HEMGN: variants seen among roughly 807,000 people sequenced by gnomAD.
The protein encoded by HEMGN is hemogen.
A neutral mutation model predicts 45.7 loss-of-function variants in HEMGN; 32 were observed. The observed-to-expected ratio is 0.70, with a 90% CI of 0.53 to 0.94. HEMGN has a LOEUF of 0.94. HEMGN is among the 40% of genes least tolerant of loss of function. The pLI, the probability that HEMGN is intolerant of heterozygous loss-of-function variation, is 0.00. For synonymous variants in HEMGN, 183 were observed against 178.6 expected, an observed-to-expected ratio of 1.02 and a Z score of -0.20; for missense variants, 530 against 564.2, an observed-to-expected ratio of 0.94 and a Z score of 0.61.
intron 1 of HEMGN, among the ~76,000 whole-genome samples, chr9:97,943,417 A>G (rs1479398120): frequency 6.6e-6 from 1 of 152,228 alleles, no homozygotes; most frequent in African/African-American, 2.4e-5. Context: ...GGAGAAGGAC[A>G]GTTTCTTGTT....
chr9:97,936,792 C>T (rs1391753063), intron 1 of HEMGN, among the ~76,000 whole-genome samples: 7 of 152,160 alleles, frequency 4.6e-5, no homozygotes, highest in African/African-American at 1.7e-4. Context: ...CCCAATCATT[C>T]CTCTTGGATT....
chr9:97,938,886 A>T (rs956023549), upstream of HEMGN, among the ~76,000 whole-genome samples: 1 of 152,220 alleles, frequency 6.6e-6, no homozygotes, highest in African/African-American at 2.4e-5. Context: ...AACTAGTGAA[A>T]TCCATTGTTA....
In HEMGN at chr9:97,930,570, G is replaced by T; in HGVS notation, c.825C>A (p.Asp275Glu). 6.2e-7 allele frequency: 1 copy of T among 1,614,086 alleles called. No individual in the cohort carries two copies. The highest frequency in any genetic ancestry group is 8.5e-7 in the Non-Finnish European group (1 of 1,180,012). ...DVPKGYILDT[D>E]QNPAEPEEYN... ...ATTCCTCTGGTTCTGCTGGATTTTG[G>T]TCTGTGTCAAGAATATAGCCTTTAG... Residue 275 changes from aspartate (D) to glutamate (E), a missense_variant, in exon 3 of 4, where the codon GAC (aspartate) becomes GAA (glutamate). Transcript: ENST00000616898.
At chr9:97,934,482 G>C (rs1296515222) in intron 2 of HEMGN, among the ~76,000 whole-genome samples, 1 of 147,706 alleles carries the variant, frequency 6.8e-6, no homozygotes, top group Non-Finnish European at 1.5e-5. Context: ...GAATACCTGG[G>C]TTCTGGGCTC....
chr9:97,941,561 A>G (rs1402149803), upstream of HEMGN, among the ~76,000 whole-genome samples: 1 of 152,238 alleles, frequency 6.6e-6, no homozygotes, highest in African/African-American at 2.4e-5. Flanking sequence ...TGGTGAAGCC[A>G]TGGTCAGATT....
At chr9:97,932,641 T>C (rs1826976563) in intron 2 of HEMGN, among the ~76,000 whole-genome samples, 1 of 151,848 alleles carries the variant, frequency 6.6e-6, no homozygotes, top group Non-Finnish European at 1.5e-5. Flanking sequence ...CCGTCTCTAC[T>C]AAAAATACAA....
At chr9:97,928,154 G>C (rs1216339923) in intron 3 of HEMGN, among the ~76,000 whole-genome samples, 1 of 151,840 alleles carries the variant, frequency 6.6e-6, no homozygotes, top group African/African-American at 2.4e-5. Context: ...AGCCTCCCGA[G>C]TAGCTGGGAC....
At chr9:97,932,076 A>G (rs1826963665) in intron 2 of HEMGN, among the ~76,000 whole-genome samples, 2 of 152,170 alleles carry the variant, frequency 1.3e-5, no homozygotes, top group Admixed American at 6.5e-5. Context: ...TACCCGCTCC[A>G]TGGAGCCTTC....
chr9:97,938,569 C>T (rs138762807), upstream of HEMGN, among the ~76,000 whole-genome samples: 226 of 152,324 alleles, frequency 1.5e-3, no homozygotes, highest in African/African-American at 5.2e-3. Flanking sequence ...GGCAAGTCAC[C>T]TCCCTTTTCT....
At chr9:97,944,376 C>A (rs1457842769) in intron 1 of HEMGN, among the ~76,000 whole-genome samples, 1 of 152,206 alleles carries the variant, frequency 6.6e-6, no homozygotes, top group Non-Finnish European at 1.5e-5. Context: ...TCTGCCTCTT[C>A]ACTTTGTCTC....
chr9:97,937,993 A>G, intron 1 of HEMGN, 65 bp downstream of exon 1: 1 of 961,888 alleles, frequency 1.0e-6, no homozygotes, highest in Admixed American at 2.3e-5. Context: ...TCCATTGAAA[A>G]GAGAAAATTA....
chr9:97,938,026 C>A, intron 1 of HEMGN, 32 bp downstream of exon 1: 1 of 1,315,896 alleles, frequency 7.6e-7, no homozygotes, highest in Non-Finnish European at 1.1e-6. Context: ...TTCTTCTCAA[C>A]AGCCACCAGC....
At chr9:97,939,556 G>T (rs980517220), upstream of HEMGN, among the ~76,000 whole-genome samples, 1 of 152,130 alleles carries the variant, frequency 6.6e-6, no homozygotes, top group East Asian at 1.9e-4. Flanking sequence ...ACTGAGAACC[G>T]AGGAGGAGAG....
At chr9:97,938,214 T>A, upstream of HEMGN, 1 of 902,664 alleles carries the variant, frequency 1.1e-6, no homozygotes, top group Non-Finnish European at 1.8e-6. Context: ...ATCAAAAACA[T>A]CTAACACTTA....
chr9:97,931,953 T>C (rs1826961725), intron 2 of HEMGN, among the ~76,000 whole-genome samples: 1 of 152,074 alleles, frequency 6.6e-6, no homozygotes. Context: ...GCACTGCAAA[T>C]ACAACCAAAT....
intron 2 of HEMGN, among the ~76,000 whole-genome samples, chr9:97,933,069 A>C (rs1826987077): frequency 6.6e-6 from 1 of 152,188 alleles, no homozygotes; most frequent in South Asian, 2.1e-4. Context: ...TTTTTCAAAA[A>C]ATGCAAAAAA....
At chr9:97,933,815 G>C (rs1286042010) in intron 2 of HEMGN, among the ~76,000 whole-genome samples, 1 of 152,104 alleles carries the variant, frequency 6.6e-6, no homozygotes, top group African/African-American at 2.4e-5. Context: ...ACAGGCCTTA[G>C]CATTATAGAG....
chr9:97,935,685 AG>A (rs747267538), intron 2 of HEMGN, among the ~76,000 whole-genome samples: 2 of 152,274 alleles, frequency 1.3e-5, no homozygotes, highest in Non-Finnish European at 1.5e-5. Context: ...ATTTACATAC[AG>A]GTGAACATAC....
intron 3 of HEMGN, among the ~76,000 whole-genome samples, 189 bp from the exon 4 acceptor site, chr9:97,927,667 A>G (rs966691381): frequency 2.6e-5 from 4 of 152,210 alleles, no homozygotes; most frequent in Admixed American, 1.3e-4. Context: ...TAAGCAGAAC[A>G]CAGAGACCAG....
Sources: allele counts gnomAD v4.1 joint callset (sites outside exome capture counted in the v4.1 genomes callset), GRCh38; gene constraint gnomAD v4.1.1; transcripts MANE v1.5; gene names NCBI Gene and HGNC (gene_info 2026-07-23, HGNC 2026-07-21).